The following PRKAR1A variants were observed in gnomAD, a reference collection of about 807,000 sequenced individuals.
PRKAR1A encodes cAMP-dependent protein kinase type I-alpha regulatory subunit.
PRKAR1A carries 3 observed loss-of-function variants against 52.0 expected under a neutral mutation model. The observed-to-expected ratio is 0.06, with a 90% CI of 0.03 to 0.15. PRKAR1A has a LOEUF of 0.15. PRKAR1A is among the 10% of genes least tolerant of loss of function. PRKAR1A has a pLI of 1.00. For missense variants in PRKAR1A, 240 were observed against 477.4 expected (o/e 0.50, Z 4.63); for synonymous variants, 188 against 168.4 (o/e 1.12, Z -0.90).
the PRKAR1A span, chr17:68,420,435 A>G: frequency 6.2e-7 from 1 of 1,614,066 alleles, no homozygotes; most frequent in Non-Finnish European, 8.5e-7. Flanking sequence ...AATCCCTACC[A>G]AATTGCCTGC....
chr17:68,516,490 C>G (rs1385888665), intron 2 of PRKAR1A, among the ~76,000 whole-genome samples: 1 of 151,732 alleles, frequency 6.6e-6, no homozygotes, highest in Non-Finnish European at 1.5e-5. Flanking sequence ...AGAAATGATT[C>G]ATATACCAAA....
At chr17:68,414,907 T>G in the PRKAR1A span, among the ~76,000 whole-genome samples, 1 of 152,200 alleles carries the variant, frequency 6.6e-6, no homozygotes, top group African/African-American at 2.4e-5. Context: ...TTGAGTTTAT[T>G]TGGATTTTCT....
At position 68,515,379 on chromosome 17, in the gene PRKAR1A, G is replaced by GT. The variant is rs368345008; in HGVS notation, c.-6-8dup. 1.4e-4 allele frequency: 220 copies of GT among 1,612,530 alleles called. No individual in the cohort carries two copies. The highest frequency in any genetic ancestry group is 1.1e-3 in the African/African-American group (83 of 74,990). ...TTATAGTTTATACAAGCATGTGTGT[G>GT]TTTTTTTCTCGCAGAGAACCATGGA... is the stretch of plus-strand genomic sequence containing the variant. On this transcript the variant is annotated splice_polypyrimidine_tract_variant and intron_variant, in intron 1 of 10. Transcript: ENST00000589228.
chr17:68,539,334 T>TA lies in PRKAR1A; in HGVS notation c.973+9334dup, dbSNP rs1421762173. 5.0e-6 allele frequency: 8 copies of TA among 1,614,078 alleles called. No homozygotes were observed. In the South Asian group the frequency reaches 5.5e-5, roughly 11 times the overall value. ...CCGTATTATCTGCTGCAGGAAAACTTACATGCAGCACTGGGAGAGAGGCGA... is the reference window on the plus strand; with the variant it reads ...CCGTATTATCTGCTGCAGGAAAACTTAACATGCAGCACTGGGAGAGAGGCGA... On this transcript the variant is annotated intron_variant, in intron 11 of 11. Coordinates refer to the PRKAR1A transcript ENST00000585981.
the PRKAR1A span, chr17:68,452,888 G>C: frequency 6.2e-7 from 1 of 1,609,172 alleles, no homozygotes; most frequent in Non-Finnish European, 8.5e-7. Context: ...AGATCCCTGA[G>C]GTCTCTCTCA....
In PRKAR1A at chr17:68,523,772, T is replaced by C. The variant is rs2143288849; in HGVS notation, c.396T>C (p.Ile132=). ...YKTMAALAKA[I]EKNVLFSHLD... is the part of the protein sequence containing the mutation. Reference sequence around the variant, plus strand: ...CAATGGCCGCTTTAGCCAAAGCCATTGAAAAGAATGTGCTGTTTTCACATC... The same window carrying C: ...CAATGGCCGCTTTAGCCAAAGCCATCGAAAAGAATGTGCTGTTTTCACATC... The change falls in exon 4 of 11, where the codon ATT becomes ATC. Residue 132 remains isoleucine, a synonymous_variant. Transcript: ENST00000589228. The C allele has an allele frequency of 1.7e-5, 27 of 1,613,828 alleles. No homozygotes were observed. The highest frequency in any genetic ancestry group is 2.3e-5 in the Non-Finnish European group (27 of 1,179,984).
At chr17:68,535,757 C>T (rs12453086), downstream of PRKAR1A, 99,332 of 452,386 alleles carry the variant, frequency 0.22, 11,378 homozygotes, top group Middle Eastern at 0.27. Flanking sequence ...AGCGATCTGC[C>T]TGTTTAGGCC....
chr17:68,493,081 T>A, the PRKAR1A span, among the ~76,000 whole-genome samples: 1 of 143,660 alleles, frequency 7.0e-6, no homozygotes, highest in Non-Finnish European at 1.5e-5. Flanking sequence ...TTTGAGGAAT[T>A]GCCACATAGA....
the PRKAR1A span, among the ~76,000 whole-genome samples, chr17:68,433,771 T>TGTTTG: frequency 0.021 from 448 of 21,368 alleles, 6 homozygotes; most frequent in African/African-American, 0.048. Context: ...TTTTTTTTTT[T>TGTTTG]TTTTTTTTTT....
the PRKAR1A span, among the ~76,000 whole-genome samples, chr17:68,502,428 A>G: frequency 6.6e-6 from 1 of 152,236 alleles, no homozygotes; most frequent in Non-Finnish European, 1.5e-5. Flanking sequence ...CTTAAGCTCA[A>G]CAAGAGAACA....
chr17:68,427,510 C>T, the PRKAR1A span: 14 of 275,826 alleles, frequency 5.1e-5, no homozygotes, highest in African/African-American at 2.2e-4. Context: ...GCACCCACCA[C>T]AGCGCCTGGC....
chr17:68,542,574 G>A (rs766101285), intron 11 of PRKAR1A: 139 of 792,918 alleles, frequency 1.8e-4, no homozygotes, highest in Non-Finnish European at 2.3e-4. Flanking sequence ...AACTTCATAC[G>A]CCCATCCCAG....
intron 11 of PRKAR1A, chr17:68,541,039 C>T: frequency 1.3e-6 from 2 of 1,543,632 alleles, no homozygotes; most frequent in Non-Finnish European, 8.7e-7. Flanking sequence ...CCCCCTGCCC[C>T]CCCAATCCCT....
the PRKAR1A span, among the ~76,000 whole-genome samples, chr17:68,451,401 T>A: frequency 6.6e-6 from 1 of 152,072 alleles, no homozygotes; most frequent in East Asian, 1.9e-4. Flanking sequence ...AACACTGCAC[T>A]CCAGCCTGGG....
chr17:68,541,065 C>T, intron 11 of PRKAR1A: 1 of 1,513,226 alleles, frequency 6.6e-7, no homozygotes. Context: ...CCTGATCCTG[C>T]CCTGGGCTGG....
intron 2 of PRKAR1A, among the ~76,000 whole-genome samples, chr17:68,516,067 A>G (rs2085423187): frequency 6.6e-6 from 1 of 152,202 alleles, no homozygotes; most frequent in Non-Finnish European, 1.5e-5. Flanking sequence ...CTATTTTAGT[A>G]TAGAGTATAT....
At chr17:68,484,158 T>G in the PRKAR1A span, among the ~76,000 whole-genome samples, 2 of 152,310 alleles carry the variant, frequency 1.3e-5, no homozygotes, top group South Asian at 4.1e-4. Flanking sequence ...CCTGAAACTA[T>G]AGAGTAATAT....
At chr17:68,512,845 C>G (rs1321185216) in intron 1 of PRKAR1A, 3 of 152,178 alleles carry the variant, frequency 2.0e-5, no homozygotes, top group Admixed American at 6.5e-5. Flanking sequence ...CTCCGCGGCC[C>G]TCCCCGGCCG....
chr17:68,539,282 G>T, intron 11 of PRKAR1A: 1 of 1,584,552 alleles, frequency 6.3e-7, no homozygotes, highest in East Asian at 2.2e-5. Flanking sequence ...GCTGCAAGCA[G>T]CATGAAGGGT....
Sources: allele counts gnomAD v4.1 joint callset (sites outside exome capture counted in the v4.1 genomes callset), GRCh38; gene constraint gnomAD v4.1.1; transcripts MANE v1.5; gene names NCBI Gene and HGNC (gene_info 2026-07-23, HGNC 2026-07-21).